Variants in LUZP2 observed in about 807,000 individuals in gnomAD.
LUZP2 encodes the protein leucine zipper protein 2.
A neutral mutation model predicts 51.6 loss-of-function variants in LUZP2; 52 were observed. The ratio of observed to expected loss-of-function variants is 1.01; its 90% CI spans 0.81 to 1.27. The LOEUF (loss-of-function observed/expected upper bound fraction) is 1.27. Among genes scored for constraint, LUZP2 ranks in the 50% most tolerant of loss-of-function variants. The pLI is 0.00. For synonymous variants in LUZP2, 154 were observed against 137.3 expected, an observed-to-expected ratio of 1.12 and a Z score of -0.85; for missense variants, 436 against 395.4, an observed-to-expected ratio of 1.10 and a Z score of -0.87.
chr11:24,590,943 C>A (rs1316710473), intron 1 of LUZP2, among the ~76,000 whole-genome samples: 1 of 152,002 alleles, frequency 6.6e-6, no homozygotes, highest in East Asian at 1.9e-4. Flanking sequence ...TTTGCGCTAG[C>A]AAATAGATTT....
At chr11:24,874,459 A>G (rs1317521762) in intron 5 of LUZP2, among the ~76,000 whole-genome samples, 2 of 152,128 alleles carry the variant, frequency 1.3e-5, no homozygotes, top group African/African-American at 2.4e-5. Context: ...CCCACCCATA[A>G]CATGGTTACA....
At chr11:25,011,465 C>G (rs571609970) in intron 9 of LUZP2, among the ~76,000 whole-genome samples, 1 of 152,212 alleles carries the variant, frequency 6.6e-6, no homozygotes, top group South Asian at 2.1e-4. Context: ...TTGCTTTAAT[C>G]CATCCTCCTA....
rs1460702772 is a variant in LUZP2, at chr11:25,020,829, T to C, written c.766-29209T>C. Among the ~76,000 whole-genome samples the C allele has an allele frequency of 6.6e-5, 10 of 152,190 alleles. No individual in the cohort carries two copies. The East Asian group carries it at 1.7e-3, about 26-fold the overall frequency. ...TTCAATTGATTGTATTCTGCTATGA[T>C]AGATAAACGTTGTAATAGGCACATG... is the stretch of plus-strand genomic sequence containing the variant. On this transcript the variant is annotated intron_variant, in intron 9 of 11. Transcript: ENST00000336930.
intron 7 of LUZP2, among the ~76,000 whole-genome samples, chr11:24,964,081 C>T (rs2133885430): frequency 6.6e-6 from 1 of 152,322 alleles, no homozygotes; most frequent in South Asian, 2.1e-4. Context: ...GAGAAACCTC[C>T]ATATGGTTTT....
intron 5 of LUZP2, among the ~76,000 whole-genome samples, chr11:24,778,643 A>G (rs947977202): frequency 1.3e-5 from 2 of 152,162 alleles, no homozygotes; most frequent in Non-Finnish European, 2.9e-5. Flanking sequence ...AATAAAGAAG[A>G]AAGAAACTAA....
intron 5 of LUZP2, among the ~76,000 whole-genome samples, chr11:24,890,588 C>T (rs1347953984): frequency 6.6e-6 from 1 of 151,968 alleles, no homozygotes; most frequent in Non-Finnish European, 1.5e-5. Flanking sequence ...GGTGGGGGAG[C>T]ATTAAAGAGG....
chr11:24,808,819 A>G (rs540599549), intron 5 of LUZP2, among the ~76,000 whole-genome samples: 1 of 152,254 alleles, frequency 6.6e-6, no homozygotes, highest in South Asian at 2.1e-4. Context: ...TTTAAATTCT[A>G]TGTGTGCGTT....
intron 5 of LUZP2, among the ~76,000 whole-genome samples, chr11:24,876,218 T>G (rs1032848566): frequency 8.1e-5 from 12 of 148,038 alleles, no homozygotes; most frequent in Non-Finnish European, 1.5e-4. Flanking sequence ...TTCTAGGGTT[T>G]TTATGGTTTT....
chr11:24,685,944 T>G (rs2133878862), intron 1 of LUZP2, among the ~76,000 whole-genome samples: 1 of 152,308 alleles, frequency 6.6e-6, no homozygotes, highest in East Asian at 1.9e-4. Context: ...ATCAAAGCAT[T>G]ATTAGATTAT....
chr11:24,871,579 A>G (rs1852074179), intron 5 of LUZP2, among the ~76,000 whole-genome samples: 1 of 152,020 alleles, frequency 6.6e-6, no homozygotes, highest in Non-Finnish European at 1.5e-5. Flanking sequence ...CTTCTGGTCT[A>G]CCTCTGAAGA....
At chr11:25,027,151 G>A (rs1857516704) in intron 9 of LUZP2, among the ~76,000 whole-genome samples, 1 of 151,908 alleles carries the variant, frequency 6.6e-6, no homozygotes, top group Admixed American at 6.6e-5. Flanking sequence ...GAAATTATTA[G>A]CAAAAGAAAA....
At chr11:24,942,045 C>A (rs1013863550) in intron 7 of LUZP2, among the ~76,000 whole-genome samples, 2 of 152,078 alleles carry the variant, frequency 1.3e-5, no homozygotes, top group Admixed American at 1.3e-4. Flanking sequence ...ATATGTCAGT[C>A]ATTTTTCCCT....
At chr11:24,782,541 A>G (rs1849124537) in intron 5 of LUZP2, among the ~76,000 whole-genome samples, 1 of 152,028 alleles carries the variant, frequency 6.6e-6, no homozygotes, top group African/African-American at 2.4e-5. Flanking sequence ...ATTGGTAAGC[A>G]CTGCTCTTAA....
At chr11:24,631,262 G>T (rs1321705597) in intron 1 of LUZP2, among the ~76,000 whole-genome samples, 5 of 151,688 alleles carry the variant, frequency 3.3e-5, no homozygotes, top group Non-Finnish European at 5.9e-5. Context: ...TTGTTGTCTT[G>T]TTCTAGATCT....
chr11:25,000,347 G>A (rs1455024339), intron 9 of LUZP2, among the ~76,000 whole-genome samples: 1 of 152,122 alleles, frequency 6.6e-6, no homozygotes, highest in East Asian at 1.9e-4. Flanking sequence ...GACTGCTCTA[G>A]CTACTTCCTG....
intron 5 of LUZP2, among the ~76,000 whole-genome samples, chr11:24,787,121 C>T (rs1849270538): frequency 6.6e-6 from 1 of 152,110 alleles, no homozygotes; most frequent in Admixed American, 6.6e-5. Context: ...ATTTCAACAG[C>T]TACGTTTGGG....
At chr11:24,904,403 C>A (rs1448389863) in intron 5 of LUZP2, among the ~76,000 whole-genome samples, 1 of 152,052 alleles carries the variant, frequency 6.6e-6, no homozygotes, top group Non-Finnish European at 1.5e-5. Context: ...CTGCCTCAGC[C>A]TCCCGAGTAG....
At chr11:24,975,174 T>C (rs982541660) in intron 7 of LUZP2, among the ~76,000 whole-genome samples, 5 of 152,194 alleles carry the variant, frequency 3.3e-5, no homozygotes, top group South Asian at 4.1e-4. Context: ...ATTCTGTCTC[T>C]TTTTAAAGAG....
At chr11:24,913,709 G>A (rs1853708243) in intron 6 of LUZP2, among the ~76,000 whole-genome samples, 1 of 151,344 alleles carries the variant, frequency 6.6e-6, no homozygotes, top group Non-Finnish European at 1.5e-5. Context: ...TTGGTTATTG[G>A]TGGTAGTAGT....
Sources: gnomAD v4.1 joint callset for allele counts (sites outside exome capture counted in the v4.1 genomes callset) on GRCh38, gnomAD v4.1.1 for gene constraint, MANE v1.5 for transcripts, NCBI Gene and HGNC (gene_info 2026-07-23, HGNC 2026-07-21) for gene names.